Variants in ZNRF3 observed in about 807,000 individuals in gnomAD.
ZNRF3 encodes the protein zinc and ring finger 3, also known as E3 ubiquitin-protein ligase ZNRF3.
Under a neutral mutation model 72.5 loss-of-function variants are expected in ZNRF3, and 23 were observed. The observed-to-expected ratio is 0.32, with a 90% CI of 0.23 to 0.45. ZNRF3 has a LOEUF of 0.45. ZNRF3 is among the 20% of genes least tolerant of loss of function. ZNRF3 has a pLI of 1.00. For synonymous variants in ZNRF3, 610 were observed against 545.3 expected, an observed-to-expected ratio of 1.12 and a Z score of -1.65; for missense variants, 1,169 against 1,272.1, an observed-to-expected ratio of 0.92 and a Z score of 1.23.
chr22:28,949,310 T>C (rs2035112018), intron 1 of ZNRF3, among the ~76,000 whole-genome samples: 1 of 152,216 alleles, frequency 6.6e-6, no homozygotes, highest in East Asian at 1.9e-4. Context: ...GGTCTGACTC[T>C]GTTGCCCAGG....
intron 1 of ZNRF3, among the ~76,000 whole-genome samples, chr22:28,934,103 G>A (rs2034775145): frequency 1.3e-5 from 2 of 152,238 alleles, no homozygotes; most frequent in African/African-American, 4.8e-5. Context: ...GAGAACAAAA[G>A]TACTTTCCAG....
At chr22:29,046,628 G>A (rs1292336151) in intron 5 of ZNRF3, 88 bp from the exon 6 acceptor site, 8 of 1,350,608 alleles carry the variant, frequency 5.9e-6, no homozygotes, top group Non-Finnish European at 7.9e-6. Flanking sequence ...TTGTCTGCCT[G>A]TCCCAGTGAA....
intron 2 of ZNRF3, among the ~76,000 whole-genome samples, chr22:29,017,071 G>A (rs1897629650): frequency 6.6e-6 from 1 of 152,156 alleles, no homozygotes; most frequent in Admixed American, 6.5e-5. Flanking sequence ...ATTTCCAAAG[G>A]TGAGATGTTT....
intron 3 of ZNRF3, 134 bp downstream of exon 3, chr22:29,042,703 G>A: frequency 6.4e-6 from 5 of 786,634 alleles, no homozygotes; most frequent in South Asian, 5.1e-5. Context: ...AGGTGTCCAT[G>A]TTTGGACATA....
chr22:29,052,661 C>G lies in ZNRF3; in HGVS notation c.2768-918C>G, dbSNP rs1018533571. Among the ~76,000 whole-genome samples the G allele has an allele frequency of 2.5e-4, 37 of 149,866 alleles. 1 individual carries two copies. The highest frequency in any genetic ancestry group is 7.4e-5 in the African/African-American group (3 of 40,514). On this transcript the variant is annotated intron_variant, in intron 8 of 8. Transcript: ENST00000544604. ...TGAGCTGAGATCGCCCCATCGTACT[C>G]CAGCCTGGCGACAGAGCGAGACTCC...
intron 1 of ZNRF3, among the ~76,000 whole-genome samples, chr22:28,972,587 T>A (rs1411528731): frequency 6.6e-6 from 1 of 152,224 alleles, no homozygotes; most frequent in Non-Finnish European, 1.5e-5. Flanking sequence ...TGTACAAGTT[T>A]CTGGGCCATG....
At chr22:28,909,265 T>A (rs2034270996) in intron 1 of ZNRF3, among the ~76,000 whole-genome samples, 1 of 152,188 alleles carries the variant, frequency 6.6e-6, no homozygotes, top group Non-Finnish European at 1.5e-5. Flanking sequence ...TTTAGAGCTT[T>A]GAAGCTCTTC....
At chr22:28,951,169 C>T (rs779006267) in intron 1 of ZNRF3, among the ~76,000 whole-genome samples, 3 of 152,190 alleles carry the variant, frequency 2.0e-5, no homozygotes, top group East Asian at 1.9e-4. Flanking sequence ...CTTCTTATAG[C>T]GCCCTTCCTT....
chr22:28,998,694 G>A (rs1696455109), intron 2 of ZNRF3, among the ~76,000 whole-genome samples: 1 of 152,170 alleles, frequency 6.6e-6, no homozygotes, highest in Admixed American at 6.5e-5. Flanking sequence ...TTGGTTAAAA[G>A]GCTATATTAA....
At chr22:29,041,817 T>G (rs1167536513) in intron 2 of ZNRF3, among the ~76,000 whole-genome samples, 6 of 152,058 alleles carry the variant, frequency 3.9e-5, no homozygotes, top group Non-Finnish European at 1.5e-5. Flanking sequence ...AATTAACCAT[T>G]TTGAGACTCA....
At chr22:29,035,999 T>C (rs1471559007) in intron 2 of ZNRF3, among the ~76,000 whole-genome samples, 1 of 152,188 alleles carries the variant, frequency 6.6e-6, no homozygotes, top group Non-Finnish European at 1.5e-5. Context: ...TAATCCAGCA[T>C]ATTTTAAACT....
At chr22:28,934,326 G>A (rs573543324) in intron 1 of ZNRF3, among the ~76,000 whole-genome samples, 2 of 152,142 alleles carry the variant, frequency 1.3e-5, no homozygotes, top group Non-Finnish European at 2.9e-5. Flanking sequence ...GAGCTGATGA[G>A]GTGCATTGAG....
At chr22:28,993,644 A>T (rs1348236857) in intron 2 of ZNRF3, among the ~76,000 whole-genome samples, 1 of 152,192 alleles carries the variant, frequency 6.6e-6, no homozygotes, top group Non-Finnish European at 1.5e-5. Context: ...AAGGGTTAAG[A>T]CTTGGGTTTA....
At chr22:28,936,563 T>C (rs2123782940) in intron 1 of ZNRF3, among the ~76,000 whole-genome samples, 1 of 152,240 alleles carries the variant, frequency 6.6e-6, no homozygotes, top group South Asian at 2.1e-4. Context: ...TGGCCCCTGC[T>C]TCCTGGGCCC....
Position 29,007,752 on chromosome 22 carries a change from C to CTT in ZNRF3, c.426+20572_426+20573dup, listed in dbSNP as rs943507617. Among the ~76,000 whole-genome samples, 281 of 43,580 alleles carry CTT rather than the reference C, an allele frequency of 6.4e-3. 2 individuals carry two copies. Among genetic ancestry groups the CTT allele is most frequent in the East Asian group, 9.4e-3 (12 of 1,280 alleles). 28.6% of individuals were successfully genotyped at this position (43,580 alleles called of 152,430 possible). ...CCTTTCATAGAAATTCCATTTCTTC[C>CTT]TTTTTTTTTTTTTTTTTTTTTTGAG... On this transcript the variant is annotated intron_variant, in intron 2 of 8. Transcript: ENST00000544604.
chr22:29,047,950 T>G (rs1281716849), intron 6 of ZNRF3, among the ~76,000 whole-genome samples: 1 of 152,134 alleles, frequency 6.6e-6, no homozygotes, highest in Non-Finnish European at 1.5e-5. Context: ...CCCAGGTATC[T>G]TCCTTTCTAC....
intron 1 of ZNRF3, among the ~76,000 whole-genome samples, chr22:28,940,434 T>C (rs2034919783): frequency 6.6e-6 from 1 of 151,832 alleles, no homozygotes; most frequent in African/African-American, 2.4e-5. Context: ...AAATCTACTC[T>C]CCTAGATTTG....
intron 1 of ZNRF3, among the ~76,000 whole-genome samples, chr22:28,932,732 T>C (rs1317509082): frequency 6.6e-6 from 1 of 152,186 alleles, no homozygotes; most frequent in Non-Finnish European, 1.5e-5. Context: ...TTACTGGCCA[T>C]GGTTGGCTCT....
chr22:28,999,522 A>T (rs1010333160), intron 2 of ZNRF3, among the ~76,000 whole-genome samples: 3 of 152,144 alleles, frequency 2.0e-5, no homozygotes, highest in African/African-American at 7.2e-5. Context: ...GGCCATTTTG[A>T]AGGATAGAGG....
Sources: gnomAD v4.1 joint callset for allele counts (sites outside exome capture counted in the v4.1 genomes callset) on GRCh38, gnomAD v4.1.1 for gene constraint, MANE v1.5 for transcripts, NCBI Gene and HGNC (gene_info 2026-07-23, HGNC 2026-07-21) for gene names.